The following FGGY variants were observed in gnomAD, a reference collection of about 807,000 sequenced individuals.
The protein encoded by FGGY is FGGY carbohydrate kinase domain-containing protein.
Under a neutral mutation model 71.3 loss-of-function variants are expected in FGGY, and 72 were observed. The ratio of observed to expected loss-of-function variants is 1.01; its 90% CI spans 0.84 to 1.23. FGGY has a LOEUF of 1.23. Ranked by LOEUF, FGGY falls within the 50% of genes most tolerant of loss-of-function variation. The probability of loss-of-function intolerance (pLI) is 0.00; values close to 1 mark genes in which losing one functional copy is unlikely to be tolerated. For synonymous variants in FGGY, 251 were observed against 250.3 expected, an observed-to-expected ratio of 1.00 and a Z score of -0.02; for missense variants, 668 against 682.3, an observed-to-expected ratio of 0.98 and a Z score of 0.23.
At chr1:59,564,033 A>G (rs927377205) in intron 8 of FGGY, among the ~76,000 whole-genome samples, 2 of 152,226 alleles carry the variant, frequency 1.3e-5, no homozygotes, top group African/African-American at 4.8e-5. Context: ...TTATACAAAA[A>G]TTAACTCAAG....
chr1:59,565,267 G>T (rs578199726), intron 8 of FGGY, among the ~76,000 whole-genome samples: 1 of 152,136 alleles, frequency 6.6e-6, no homozygotes, highest in Non-Finnish European at 1.5e-5. Flanking sequence ...CTTATCCAAG[G>T]CTGTCTAGCT....
intron 14 of FGGY, among the ~76,000 whole-genome samples, chr1:59,713,105 T>C (rs2097810765): frequency 6.6e-6 from 1 of 152,192 alleles, no homozygotes; most frequent in Middle Eastern, 3.2e-3. Flanking sequence ...TTTACAAATC[T>C]CTAGGGCAGG....
Position 59,547,448 on chromosome 1 carries a change from A to G in FGGY, c.800-6676A>G, listed in dbSNP as rs72917721. 9.2e-3 allele frequency among the ~76,000 whole-genome samples: 1,407 copies of G among 152,282 alleles called. 20 individuals are homozygous for G. The highest frequency in any genetic ancestry group is 0.032 in the African/African-American group (1,327 of 41,550). On this transcript the variant is annotated intron_variant, in intron 7 of 15. Transcript: ENST00000303721. Reference sequence around the variant, plus strand: ...TGTGAACTCCACGAGATAATGTAGGATAAGGTAGAATTAGAGTCAGGTAGA... The same window carrying G: ...TGTGAACTCCACGAGATAATGTAGGGTAAGGTAGAATTAGAGTCAGGTAGA...
intron 14 of FGGY, among the ~76,000 whole-genome samples, chr1:59,726,883 T>A (rs28778636): frequency 9.9e-5 from 15 of 152,224 alleles, no homozygotes; most frequent in Admixed American, 1.3e-4. Flanking sequence ...TCTGCTTTTT[T>A]AAAATTTTAA....
chr1:59,374,193 A>C (rs2058235139), intron 4 of FGGY, among the ~76,000 whole-genome samples: 1 of 152,238 alleles, frequency 6.6e-6, no homozygotes, highest in South Asian at 2.1e-4. Context: ...CAATGAACTC[A>C]AACAAATTTA....
At chr1:59,312,205 C>G (rs2044472910) in intron 1 of FGGY, among the ~76,000 whole-genome samples, 2 of 152,174 alleles carry the variant, frequency 1.3e-5, no homozygotes, top group Non-Finnish European at 2.9e-5. Context: ...TGTAAGTTGC[C>G]TGTTCACTCT....
intron 10 of FGGY, among the ~76,000 whole-genome samples, chr1:59,636,491 C>T (rs1320787768): frequency 6.6e-6 from 1 of 152,010 alleles, no homozygotes; most frequent in Non-Finnish European, 1.5e-5. Flanking sequence ...GGCGTGGTGG[C>T]GGACGCCTGT....
chr1:59,750,707 G>A (rs79059824), intron 14 of FGGY, among the ~76,000 whole-genome samples: 4,906 of 152,270 alleles, frequency 0.032, 126 homozygotes, highest in Admixed American at 0.061. Context: ...GGAAAAGAAA[G>A]CAAAATAAAT....
At chr1:59,613,110 A>T (rs1409907338) in intron 9 of FGGY, among the ~76,000 whole-genome samples, 1 of 152,222 alleles carries the variant, frequency 6.6e-6, no homozygotes, top group Non-Finnish European at 1.5e-5. Flanking sequence ...GTTAACAAGG[A>T]TATCCAGGAA....
chr1:59,302,746 A>G (rs111724893), intron 1 of FGGY, among the ~76,000 whole-genome samples: 5 of 152,314 alleles, frequency 3.3e-5, no homozygotes, highest in African/African-American at 1.2e-4. Flanking sequence ...ATGCAAACCT[A>G]AAGTATTTAA....
At chr1:59,742,412 A>G (rs1344891036) in intron 14 of FGGY, among the ~76,000 whole-genome samples, 1 of 152,186 alleles carries the variant, frequency 6.6e-6, no homozygotes, top group East Asian at 1.9e-4. Flanking sequence ...TCCACTGACA[A>G]CATATTTTCT....
intron 11 of FGGY, among the ~76,000 whole-genome samples, chr1:59,652,063 G>C (rs916911237): frequency 6.6e-5 from 10 of 151,610 alleles, no homozygotes; most frequent in Admixed American, 1.3e-4. Flanking sequence ...TTTTCTTTAA[G>C]AATGTTGAAT....
intron 8 of FGGY, among the ~76,000 whole-genome samples, chr1:59,596,118 G>C (rs1262796035): frequency 6.6e-6 from 1 of 151,910 alleles, no homozygotes; most frequent in East Asian, 1.9e-4. Flanking sequence ...CTTTTTTACT[G>C]TCCCTTGCCT....
chr1:59,430,220 C>T (rs1399515451), intron 5 of FGGY, among the ~76,000 whole-genome samples: 1 of 152,126 alleles, frequency 6.6e-6, no homozygotes, highest in Non-Finnish European at 1.5e-5. Flanking sequence ...GCTTTTTCTG[C>T]CCTGTGATAA....
At chr1:59,567,409 C>A (rs1031443087) in intron 8 of FGGY, among the ~76,000 whole-genome samples, 5 of 152,050 alleles carry the variant, frequency 3.3e-5, no homozygotes, top group African/African-American at 1.2e-4. Context: ...ATCGTTGTAG[C>A]CTTGTGTGGC....
chr1:59,638,854 T>C (rs1033710687), intron 11 of FGGY, among the ~76,000 whole-genome samples: 1 of 152,234 alleles, frequency 6.6e-6, no homozygotes, highest in Non-Finnish European at 1.5e-5. Context: ...GTAAATGTAA[T>C]TTATAACTTA....
chr1:59,448,280 C>G (rs1309852940), intron 5 of FGGY, among the ~76,000 whole-genome samples: 1 of 152,148 alleles, frequency 6.6e-6, no homozygotes, highest in East Asian at 1.9e-4. Flanking sequence ...CACGTGTAGT[C>G]AATCTGGCAT....
chr1:59,682,929 T>G (rs1027018186), intron 14 of FGGY, among the ~76,000 whole-genome samples: 6 of 152,220 alleles, frequency 3.9e-5, no homozygotes, highest in African/African-American at 1.4e-4. Flanking sequence ...TGTCATTTTA[T>G]TCATAGCAAG....
chr1:59,320,933 A>G (rs1420089348), intron 1 of FGGY, among the ~76,000 whole-genome samples: 6 of 152,318 alleles, frequency 3.9e-5, no homozygotes, highest in Admixed American at 3.9e-4. Flanking sequence ...GTTTGAATTT[A>G]TGAGTAGACC....
Sources: allele counts gnomAD v4.1 joint callset (sites outside exome capture counted in the v4.1 genomes callset), GRCh38; gene constraint gnomAD v4.1.1; transcripts MANE v1.5; gene names NCBI Gene and HGNC (gene_info 2026-07-23, HGNC 2026-07-21).